SRRM2: variants seen among roughly 807,000 people sequenced by gnomAD.
The protein encoded by SRRM2 is serine/arginine repetitive matrix protein 2.
In SRRM2, 30 loss-of-function variants were observed where a neutral mutation model predicts 213.8. The ratio of observed to expected loss-of-function variants is 0.14; its 90% confidence interval spans 0.10 to 0.19. SRRM2 has a LOEUF of 0.19. Ranked by LOEUF, SRRM2 falls within the 10% of genes least tolerant of loss-of-function variation. The pLI is 1.00. For synonymous variants in SRRM2, 2,025 were observed against 1,377.7 expected, an observed-to-expected ratio of 1.47 and a Z score of -10.40; for missense variants, 4,904 against 3,647.0, an observed-to-expected ratio of 1.34 and a Z score of -8.88.
Position 2,765,063 on chromosome 16 carries a change from CCCA to C in SRRM2, c.4536_4538del (p.Gln1513del), listed in dbSNP as rs774824639. On this transcript the variant is annotated inframe_deletion, in exon 11 of 15. Transcript: ENST00000301740. Reference sequence around the variant, plus strand: ...GAGCTCAACAACAAGTGTCTTACCCCCCAGAGAGAAAGAAGCGGGTCAGAATCA... The same window carrying C: ...GAGCTCAACAACAAGTGTCTTACCCCGAGAGAAAGAAGCGGGTCAGAATCA... The C allele has an allele frequency of 1.9e-6, 3 of 1,614,102 alleles. No individual in the cohort carries two copies. The highest frequency in any genetic ancestry group is 2.5e-6 in the Non-Finnish European group (3 of 1,180,032).
rs140014992 is a variant in SRRM2 at position 2,770,421 on chromosome 16, G to A, written c.8091G>A (p.Glu2697=). The A allele has an allele frequency of 4.3e-6, 7 of 1,611,122 alleles. No individual in the cohort carries two copies. Among genetic ancestry groups the A allele is most frequent in the Non-Finnish European group, 5.9e-6 (7 of 1,178,876 alleles). The change falls in exon 13 of 15, where the codon GAG becomes GAA. Residue 2697 remains glutamate (E), a synonymous_variant. Coordinates refer to ENST00000301740, the MANE Select transcript of SRRM2 (RefSeq NM_016333.4). ...GGTCCCTCAGCTACTCGCCTGTGGA[G>A]CGTCGCCGTCCCTCGCCCCAGCCCT... The part of the protein sequence containing the change: ...DSRSLSYSPV[E]RRRPSPQPSP...
In SRRM2 at chr16:2,760,386, G is replaced by T. The variant is rs2068296862; in HGVS notation, c.919G>T (p.Asp307Tyr). 6.2e-7 allele frequency: 1 copy of T among 1,614,036 alleles called. No homozygotes were observed. Among genetic ancestry groups the T allele is most frequent in the South Asian group, 1.1e-5 (1 of 91,086 alleles). Residue 307 changes from aspartate (D) to tyrosine (Y), a missense_variant, in exon 10 of 15, where the codon GAT becomes TAT. Coordinates refer to ENST00000301740, the MANE Select transcript of SRRM2 (RefSeq NM_016333.4). ...SPASGRRGEG[D>Y]APFSEPGTTS... ...TGCTTCAGGGCGACGCGGGGAGGGAGATGCGCCTTTCAGTGAACCAGGTAC... is the reference window on the plus strand; with the variant it reads ...TGCTTCAGGGCGACGCGGGGAGGGATATGCGCCTTTCAGTGAACCAGGTAC...
At position 2,757,817 on chromosome 16, in the gene SRRM2, G is replaced by A. The variant is rs533283218; in HGVS notation, c.387G>A (p.Glu129=). 1 of 1,614,086 alleles carries A rather than the reference G, an allele frequency of 6.2e-7. No homozygotes were observed. Among genetic ancestry groups the A allele is most frequent in the Non-Finnish European group, 8.5e-7 (1 of 1,179,974 alleles). Residue 129 remains glutamate (E), a synonymous_variant, in exon 4 of 15, where the codon GAG becomes GAA. Transcript: ENST00000301740. ...CTCACCAGTTGGCAGAATTAAATGA[G>A]AAGAAGAATGAAAGACTCCGTGCTG... The part of the protein sequence containing the change: ...TETHQLAELN[E]KKNERLRAAF...
chr16:2,771,358 A>G lies in SRRM2; in HGVS notation c.*491A>G, dbSNP rs1310676579. On this transcript the variant is annotated 3_prime_UTR_variant, in exon 15 of 15. Coordinates refer to ENST00000301740, the MANE Select transcript of SRRM2 (RefSeq NM_016333.4). The stretch of plus-strand genomic sequence containing the variant: ...TCTTAAAGGCATTTTGGTTTTTTAA[A>G]ATCTGTACAGCAAGAGCAACTTTTT... 5.7e-6 allele frequency: 9 copies of G among 1,588,312 alleles called. No individual in the cohort carries two copies. The highest frequency in any genetic ancestry group is 1.3e-5 in the African/African-American group (1 of 74,436).
In SRRM2 at chr16:2,759,007, C is replaced by T; in HGVS notation, c.616C>T (p.Arg206Ter). The change falls in exon 6 of 15, where the codon CGA (arginine) becomes TGA (stop). Residue 206 changes from arginine (R) to a stop codon, truncating the protein, a stop_gained. Transcript: ENST00000301740. LOFTEE classifies it high-confidence loss of function. ...TAGCAGGTCAGAGAGCAGCTCTCCT[C>T]GACGGGAGAGAAAGAAAAGCTCAAA... ...RGRRSESSSP[R>*]RERKKSSKKK... The T allele has an allele frequency of 6.2e-7, 1 of 1,614,036 alleles. No individual in the cohort carries two copies. The highest frequency in any genetic ancestry group is 1.3e-5 in the African/African-American group (1 of 74,968).
chr16:2,754,900 T>C (rs1297633525), intron 1 of SRRM2, among the ~76,000 whole-genome samples: 1 of 152,236 alleles, frequency 6.6e-6, no homozygotes, highest in Non-Finnish European at 1.5e-5. Flanking sequence ...GCTTTCAATA[T>C]TGGGTCTGCT....
Position 2,765,352 on chromosome 16 carries a change from A to G in SRRM2, c.4824A>G (p.Pro1608=). The part of the protein sequence containing the change: ...SGSSPEVKDK[P]RAAPRAQSGS... ...CCTCCCCTGAAGTGAAAGATAAGCC[A>G]AGAGCAGCACCCAGGGCACAGAGTG... The change falls in exon 11 of 15, where the codon CCA becomes CCG. Residue 1608 remains proline (P), a synonymous_variant. Transcript: ENST00000301740. 1.9e-6 allele frequency: 3 copies of G among 1,614,160 alleles called. No individual in the cohort carries two copies. The highest frequency in any genetic ancestry group is 2.5e-6 in the Non-Finnish European group (3 of 1,180,028).
chr16:2,762,864 T>G lies in SRRM2; in HGVS notation c.2336T>G (p.Leu779Arg). The G allele has an allele frequency of 1.9e-6, 3 of 1,614,162 alleles. No homozygotes were observed. Among genetic ancestry groups the G allele is most frequent in the Non-Finnish European group, 2.5e-6 (3 of 1,180,016 alleles). The change falls in exon 11 of 15, where the codon CTT becomes CGT. Residue 779 changes from leucine to arginine, a missense_variant. Physicochemically the swap from Leu to Arg is moderately radical, Grantham distance 102. Coordinates refer to ENST00000301740, the MANE Select transcript of SRRM2 (RefSeq NM_016333.4). ...AKSRLSLRRS[L>R]SGSSPCPKQK... Reference sequence around the variant, plus strand: ...TCTCGCTTGTCTTTGAGGCGCAGCCTTTCAGGGTCTTCCCCATGCCCTAAA... The same window carrying G: ...TCTCGCTTGTCTTTGAGGCGCAGCCGTTCAGGGTCTTCCCCATGCCCTAAA...
At chr16:2,754,790 T>G (rs2150769629) in intron 1 of SRRM2, among the ~76,000 whole-genome samples, 1 of 152,172 alleles carries the variant, frequency 6.6e-6, no homozygotes, top group Middle Eastern at 3.4e-3. Context: ...AAAATGAGGA[T>G]TGGGGTGTAG....
intron 2 of SRRM2, 78 bp from the exon 3 acceptor site, chr16:2,757,394 T>G: frequency 7.3e-7 from 1 of 1,376,592 alleles, no homozygotes; most frequent in Non-Finnish European, 1.0e-6. Flanking sequence ...GGGCCCCTTT[T>G]GGGAATGAGG....
At position 2,762,593 on chromosome 16, in the gene SRRM2, A is replaced by G; in HGVS notation, c.2065A>G (p.Arg689Gly). Reference sequence around the variant, plus strand: ...CTCACGCTCCAGAACACCAGCCAGGAGAGGGAGGTCTCGGTCTAGGACACC... The same window carrying G: ...CTCACGCTCCAGAACACCAGCCAGGGGAGGGAGGTCTCGGTCTAGGACACC... ...GRSRSRTPAR[R>G]GRSRSRTPRR... Residue 689 changes from arginine to glycine, a missense_variant, in exon 11 of 15, where the codon AGA becomes GGA. Transcript: ENST00000301740. 3 of 1,614,130 alleles carry G rather than the reference A, an allele frequency of 1.9e-6. No homozygotes were observed. Among genetic ancestry groups the G allele is most frequent in the Non-Finnish European group, 2.5e-6 (3 of 1,180,020 alleles).
In SRRM2 at chr16:2,762,503, C is replaced by A; in HGVS notation, c.1975C>A (p.Arg659Ser). The A allele has an allele frequency of 6.2e-7, 1 of 1,613,320 alleles. No homozygotes were observed. Among genetic ancestry groups the A allele is most frequent in the Non-Finnish European group, 8.5e-7 (1 of 1,179,662 alleles). Reference sequence around the variant, plus strand: ...AACCCCAGCTAGACGTGGCCGCTCACGCTCCAGAACCCCAGCCAGACGTGG... The same window carrying A: ...AACCCCAGCTAGACGTGGCCGCTCAAGCTCCAGAACCCCAGCCAGACGTGG... The part of the protein sequence containing the change: ...SRTPARRGRS[R>S]SRTPARRGRS... Residue 659 changes from arginine to serine, a missense_variant, in exon 11 of 15, where the codon CGC (arginine) becomes AGC (serine). By Grantham distance (110) the Arg-to-Ser change is moderately radical. Coordinates refer to ENST00000301740, the MANE Select transcript of SRRM2 (RefSeq NM_016333.4).
In SRRM2 at chr16:2,763,331, T is replaced by A; in HGVS notation, c.2803T>A (p.Ser935Thr). 1 of 1,614,082 alleles carries A rather than the reference T, an allele frequency of 6.2e-7. No individual in the cohort carries two copies. Among genetic ancestry groups the A allele is most frequent in the Non-Finnish European group, 8.5e-7 (1 of 1,180,020 alleles). ...PRQRSHSGSS[S>T]PSPSRVTSRT... Reference sequence around the variant, plus strand: ...ACAAAGAAGCCATTCTGGCTCCTCTTCTCCAAGTCCTAGTAGGGTGACGTC... The same window carrying A: ...ACAAAGAAGCCATTCTGGCTCCTCTACTCCAAGTCCTAGTAGGGTGACGTC... The change falls in exon 11 of 15, where the codon TCT becomes ACT. Residue 935 changes from serine to threonine, a missense_variant. Physicochemically the swap from Ser to Thr is moderately conservative, Grantham distance 58. Transcript: ENST00000301740.
At chr16:2,770,832 C>T (rs569450641) in intron 14 of SRRM2, 26 bp from the exon 15 acceptor site, 66 of 1,614,004 alleles carry the variant, frequency 4.1e-5, no homozygotes, top group South Asian at 2.3e-4. Flanking sequence ...TGGGAACTCC[C>T]TGTTGACCCA....
Position 2,764,687 on chromosome 16 carries a change from T to A in SRRM2, c.4159T>A (p.Ser1387Thr). The A allele has an allele frequency of 6.2e-7, 1 of 1,614,112 alleles. No individual in the cohort carries two copies. ...RSSGHSSSEL[S>T]PDAVEKAGMS... ...CTCTGGACACAGCAGTTCTGAGTTA[T>A]CCCCAGATGCAGTGGAAAAGGCAGG... The change falls in exon 11 of 15, where the codon TCC becomes ACC. Residue 1387 changes from serine to threonine, a missense_variant. Transcript: ENST00000301740.
Position 2,759,606 on chromosome 16 carries a change from G to T in SRRM2, c.778G>T (p.Ala260Ser). 6.2e-7 allele frequency: 1 copy of T among 1,614,104 alleles called. No individual in the cohort carries two copies. Residue 260 changes from alanine (A) to serine (S), a missense_variant, in exon 9 of 15, where the codon GCC becomes TCC. Physicochemically the swap from Ala to Ser is moderately conservative, Grantham distance 99. Coordinates refer to ENST00000301740, the MANE Select transcript of SRRM2 (RefSeq NM_016333.4). ...AACACCAGCCCCCAAGAGCCGCCGG[G>T]CCCACCGTTCAACTTCTGCTGACTC... The part of the protein sequence containing the change: ...STTPAPKSRR[A>S]HRSTSADSAS...
At chr16:2,760,671 C>A in intron 10 of SRRM2, 172 bp downstream of exon 10, 1 of 688,544 alleles carries the variant, frequency 1.5e-6, no homozygotes, top group Non-Finnish European at 2.4e-6. Context: ...AGTGTTGTTA[C>A]TAGACTGAAT....
intron 10 of SRRM2, chr16:2,760,748 A>C (rs1235816492): frequency 2.1e-6 from 1 of 474,736 alleles, no homozygotes; most frequent in African/African-American, 2.0e-5. Flanking sequence ...TTATACATAG[A>C]TAGAACTGGA....
chr16:2,760,248 C>T, intron 9 of SRRM2, 53 bp from the exon 10 acceptor site: 2 of 1,559,046 alleles, frequency 1.3e-6, no homozygotes, highest in Non-Finnish European at 8.7e-7. Flanking sequence ...GTTTTCTGTT[C>T]TCCCTTTGAG....
Sources: allele counts gnomAD v4.1 joint callset (sites outside exome capture counted in the v4.1 genomes callset), GRCh38; gene constraint gnomAD v4.1.1; transcripts MANE v1.5; gene names NCBI Gene and HGNC (gene_info 2026-07-23, HGNC 2026-07-21).